MAGI3: variants seen among roughly 807,000 people sequenced by gnomAD.
MAGI3 encodes membrane associated guanylate kinase, WW and PDZ domain containing 3, also known as membrane-associated guanylate kinase, WW and PDZ domain-containing protein 3.
Under a neutral mutation model 121.8 loss-of-function variants are expected in MAGI3, and 43 were observed. The ratio of observed to expected loss-of-function variants is 0.35; its 90% CI spans 0.28 to 0.46. The LOEUF (loss-of-function observed/expected upper bound fraction) is 0.46, where lower values mean the gene tolerates loss of function less well. MAGI3 is among the 20% of genes least tolerant of loss of function. The probability of loss-of-function intolerance (pLI) is 1.00; values close to 1 mark genes in which losing one functional copy is unlikely to be tolerated. For synonymous variants in MAGI3, 553 were observed against 639.3 expected (o/e 0.86, Z 2.04); for missense variants, 1,547 against 1,797.3 (o/e 0.86, Z 2.52).
chr1:113,659,199 G>A lies in MAGI3; in HGVS notation c.2749G>A (p.Asp917Asn), dbSNP rs1207087528. ...GCAGTCCATTGTTGAACTGTCTCAT[G>A]ATAACATTGTTCAGCTGATCAAAGA... ...NGQSIVELSH[D>N]NIVQLIKDAG... is the part of the protein sequence containing the mutation. The change falls in exon 16 of 21, where the codon GAT becomes AAT. Residue 917 changes from aspartate (D) to asparagine (N), a missense_variant. By Grantham distance (23) the Asp-to-Asn change is conservative (BLOSUM62 1). Transcript: ENST00000307546. 1 of 1,614,068 alleles carries A rather than the reference G, an allele frequency of 6.2e-7. No homozygotes were observed.
intron 11 of MAGI3, among the ~76,000 whole-genome samples, chr1:113,644,753 C>A (rs1652738948): frequency 6.6e-6 from 1 of 152,138 alleles, no homozygotes; most frequent in Non-Finnish European, 1.5e-5. Flanking sequence ...TCAAATGCTG[C>A]TGTTGTGGAA....
At chr1:113,561,032 C>G (rs1660213481) in intron 2 of MAGI3, among the ~76,000 whole-genome samples, 1 of 152,112 alleles carries the variant, frequency 6.6e-6, no homozygotes, top group Admixed American at 6.5e-5. Context: ...TGGATAAATT[C>G]CTGGACATAT....
chr1:113,683,315 A>C lies in MAGI3; in HGVS notation c.3747A>C (p.Arg1249Ser). 1 of 1,613,092 alleles carries C rather than the reference A, an allele frequency of 6.2e-7. No individual in the cohort carries two copies. Among genetic ancestry groups the C allele is most frequent in the East Asian group, 2.2e-5 (1 of 44,890 alleles). Residue 1249 changes from arginine (R) to serine (S), a missense_variant, in exon 21 of 21, where the codon AGA (arginine) becomes AGC (serine). Coordinates refer to ENST00000307546, the MANE Select transcript of MAGI3 (RefSeq NM_001142782.2). ...GTCCTCTAAAAAATAACCCCAAAAG[A>C]AGACCCAGAGATCAATCCCTCAGCC... The part of the protein sequence containing the change: ...IPSPLKNNPK[R>S]RPRDQSLSPS...
intron 1 of MAGI3, among the ~76,000 whole-genome samples, chr1:113,397,822 G>A (rs1651195467): frequency 6.6e-6 from 1 of 151,954 alleles, no homozygotes; most frequent in African/African-American, 2.4e-5. Context: ...AACCCTTAAT[G>A]TACCATTAGT....
At chr1:113,551,175 A>G (rs1235884048) in intron 2 of MAGI3, among the ~76,000 whole-genome samples, 1 of 152,118 alleles carries the variant, frequency 6.6e-6, no homozygotes, top group Admixed American at 6.5e-5. Flanking sequence ...GAAACTCTCT[A>G]TATAGAATTA....
In MAGI3 at chr1:113,416,331, T is replaced by TTAATTACAC. The variant is rs1557744636; in HGVS notation, c.316+24982_316+24983insTAATTACAC. Among the ~76,000 whole-genome samples the TTAATTACAC allele has an allele frequency of 1.2e-3, 86 of 73,548 alleles. 4 individuals carry two copies. Among genetic ancestry groups the TTAATTACAC allele is most frequent in the African/African-American group, 4.3e-3 (81 of 19,058 alleles). 48.3% of individuals were successfully genotyped at this position (73,548 alleles called of 152,430 possible). A position where few individuals can be genotyped will look rare whatever the true frequency, so the allele number is the denominator to read the frequency against. On this transcript the variant is annotated intron_variant, in intron 1 of 20. Transcript: ENST00000307546. ...GTAATTAATTATGTAATTAATTATA[T>TTAATTACAC]ATCAATCATATATTAATTATATATT...
intron 1 of MAGI3, among the ~76,000 whole-genome samples, chr1:113,411,390 T>C (rs1275298344): frequency 1.3e-5 from 2 of 152,124 alleles, no homozygotes; most frequent in African/African-American, 4.8e-5. Context: ...CTCTGACTAC[T>C]TCTGATAGTA....
intron 1 of MAGI3, among the ~76,000 whole-genome samples, chr1:113,482,135 AACTC>A (rs1306617573): frequency 1.3e-5 from 2 of 152,092 alleles, no homozygotes; most frequent in African/African-American, 2.4e-5. Context: ...AGTTTTATCT[AACTC>A]ACAGTATTCC....
intron 1 of MAGI3, among the ~76,000 whole-genome samples, chr1:113,522,370 G>T (rs745732999): frequency 2.6e-5 from 4 of 152,196 alleles, no homozygotes; most frequent in Non-Finnish European, 5.9e-5. Context: ...CTCCCAAAGT[G>T]CTATGATTAC....
intron 1 of MAGI3, among the ~76,000 whole-genome samples, chr1:113,521,149 C>T (rs1307791351): frequency 6.8e-6 from 1 of 147,514 alleles, no homozygotes; most frequent in East Asian, 2.0e-4. Flanking sequence ...TGCAGTGGCT[C>T]AATCTCGGCT....
chr1:113,445,595 C>T (rs1229562295), intron 1 of MAGI3, among the ~76,000 whole-genome samples: 4 of 152,106 alleles, frequency 2.6e-5, no homozygotes, highest in Non-Finnish European at 5.9e-5. Flanking sequence ...CAGAGCAAGA[C>T]CCTATCTCTT....
intron 1 of MAGI3, among the ~76,000 whole-genome samples, chr1:113,429,640 G>T (rs2101414577): frequency 6.6e-6 from 1 of 152,328 alleles, no homozygotes; most frequent in Middle Eastern, 3.4e-3. Context: ...ACCAGTCAGA[G>T]GCTGAAGTGA....
intron 19 of MAGI3, among the ~76,000 whole-genome samples, chr1:113,679,973 G>C (rs1022212544): frequency 6.6e-6 from 1 of 152,150 alleles, no homozygotes; most frequent in Non-Finnish European, 1.5e-5. Flanking sequence ...CCAGAGAGCT[G>C]GGATTACAGG....
At position 113,651,159 on chromosome 1, in the gene MAGI3, G is replaced by T. The variant is rs773507498; in HGVS notation, c.2393G>T (p.Arg798Leu). ...TTGGACCTCATGACAACTGCTGCTC[G>T]AAATGGCCATGTGTTACTAACTGTC... The part of the protein sequence containing the change: ...QVLDLMTTAA[R>L]NGHVLLTVRR... Residue 798 changes from arginine (R) to leucine (L), a missense_variant, in exon 14 of 21, where the codon CGA becomes CTA. Physicochemically the swap from Arg to Leu is moderately radical, Grantham distance 102. Coordinates refer to ENST00000307546, the MANE Select transcript of MAGI3 (RefSeq NM_001142782.2). The T allele has an allele frequency of 1.9e-6, 3 of 1,613,888 alleles. No homozygotes were observed. The South Asian group carries it at 3.3e-5, about 18-fold the overall frequency.
At chr1:113,574,268 G>A (rs548831864) in intron 2 of MAGI3, among the ~76,000 whole-genome samples, 11 of 152,172 alleles carry the variant, frequency 7.2e-5, no homozygotes, top group East Asian at 5.8e-4. Flanking sequence ...CACATTAGTC[G>A]ATGCAGTTTC....
At chr1:113,588,008 A>G (rs1049820822) in intron 4 of MAGI3, among the ~76,000 whole-genome samples, 9 of 152,260 alleles carry the variant, frequency 5.9e-5, no homozygotes, top group Non-Finnish European at 1.2e-4. Flanking sequence ...GCAATAAAGC[A>G]GTGAACAAAA....
At position 113,616,782 on chromosome 1, in the gene MAGI3, A is replaced by G. The variant is rs1650497939; in HGVS notation, c.1076+2124A>G. The stretch of plus-strand genomic sequence containing the variant: ...TTTTGGGGGTACGTAGTGATGTTTC[A>G]GTACACGTAATATATAGTGATTAGA... On this transcript the variant is annotated intron_variant, in intron 7 of 20. Transcript: ENST00000307546. Among the ~76,000 whole-genome samples the G allele has an allele frequency of 2.0e-5, 3 of 152,246 alleles. No homozygotes were observed. The South Asian group carries it at 6.2e-4, about 32-fold the overall frequency.
intron 1 of MAGI3, among the ~76,000 whole-genome samples, chr1:113,458,874 ATAAT>A (rs1252888240): frequency 6.6e-6 from 1 of 152,196 alleles, no homozygotes; most frequent in Non-Finnish European, 1.5e-5. Context: ...TATTTTATAA[ATAAT>A]TAACACAAGT....
In MAGI3 at chr1:113,630,742, T is replaced by G. The variant is rs557919264; in HGVS notation, c.1360+7748T>G. Among the ~76,000 whole-genome samples the G allele has an allele frequency of 2.8e-3, 426 of 152,146 alleles. 1 individual carries two copies. Among genetic ancestry groups the G allele is most frequent in the Non-Finnish European group, 4.8e-3 (327 of 67,986 alleles). ...ATGAAAAGTCCATCAGCCACTGTGCTCCCCCTCTCACAATCACACAGATTT... is the reference window on the plus strand; with the variant it reads ...ATGAAAAGTCCATCAGCCACTGTGCGCCCCCTCTCACAATCACACAGATTT... On this transcript the variant is annotated intron_variant, in intron 9 of 20. Coordinates refer to ENST00000307546, the MANE Select transcript of MAGI3 (RefSeq NM_001142782.2).
Sources: allele counts gnomAD v4.1 joint callset (sites outside exome capture counted in the v4.1 genomes callset), GRCh38; gene constraint gnomAD v4.1.1; transcripts MANE v1.5; gene names NCBI Gene and HGNC (gene_info 2026-07-23, HGNC 2026-07-21).